Variants in ORC5 observed in about 807,000 individuals in gnomAD.
ORC5 encodes protein phosphatase 1, regulatory subunit 117.
In ORC5, 39 loss-of-function variants were observed where a neutral mutation model predicts 58.8. The ratio of observed to expected loss-of-function variants is 0.66; its 90% CI spans 0.51 to 0.87. ORC5 has a LOEUF of 0.87. Ranked by LOEUF, ORC5 falls within the 40% of genes least tolerant of loss-of-function variation. The pLI, the probability that ORC5 is intolerant of heterozygous loss-of-function variation, is 0.00. For missense variants in ORC5, 493 were observed against 506.3 expected (o/e 0.97, Z 0.25); for synonymous variants, 218 against 177.6 (o/e 1.23, Z -1.81).
At chr7:104,181,693 G>T (rs372501727) in intron 8 of ORC5, among the ~76,000 whole-genome samples, 28 of 151,966 alleles carry the variant, frequency 1.8e-4, no homozygotes, top group African/African-American at 6.8e-4. Flanking sequence ...TCGGGAAGCT[G>T]AGGCAGGAGA....
intron 8 of ORC5, among the ~76,000 whole-genome samples, chr7:104,169,960 G>C (rs987018047): frequency 3.9e-5 from 6 of 152,096 alleles, no homozygotes; most frequent in African/African-American, 1.4e-4. Flanking sequence ...AGTTTCTCCA[G>C]TCATCTCTTT....
At chr7:104,201,493 G>A (rs1799941644) in intron 2 of ORC5, among the ~76,000 whole-genome samples, 1 of 151,752 alleles carries the variant, frequency 6.6e-6, no homozygotes, top group Admixed American at 6.6e-5. Flanking sequence ...GAAATTCAAA[G>A]CAAATTTGTA....
intron 4 of ORC5, among the ~76,000 whole-genome samples, chr7:104,195,917 C>A (rs1381828195): frequency 6.6e-6 from 1 of 152,124 alleles, no homozygotes; most frequent in African/African-American, 2.4e-5. Flanking sequence ...CTGATAAGTA[C>A]TTTCAGTATA....
chr7:104,199,948 G>C (rs1799898581), intron 3 of ORC5, among the ~76,000 whole-genome samples: 1 of 152,178 alleles, frequency 6.6e-6, no homozygotes, highest in Non-Finnish European at 1.5e-5. Context: ...CCCCCATGCT[G>C]TTCTTGTGAT....
intron 3 of ORC5, 77 bp downstream of exon 3, chr7:104,200,681 A>G: frequency 1.1e-6 from 1 of 939,476 alleles, no homozygotes; most frequent in South Asian, 1.6e-5. Flanking sequence ...GAGACTCAAA[A>G]CAAATATATG....
At chr7:104,132,356 A>G (rs1452281655) in intron 13 of ORC5, among the ~76,000 whole-genome samples, 2 of 152,188 alleles carry the variant, frequency 1.3e-5, no homozygotes, top group Non-Finnish European at 2.9e-5. Context: ...CAATAACTCT[A>G]TAAAAATACA....
In ORC5 at chr7:104,207,897, T is replaced by C. The variant is rs1405193042; in HGVS notation, c.8A>G (p.His3Arg). The C allele has an allele frequency of 1.2e-6, 2 of 1,614,074 alleles. No individual in the cohort carries two copies. The highest frequency in any genetic ancestry group is 1.6e-4 in the Middle Eastern group (1 of 6,062). Residue 3 changes from histidine to arginine, a missense_variant, in exon 1 of 14, where the codon CAC (histidine) becomes CGC (arginine). By Grantham distance (29) the His-to-Arg change is conservative. This residue lies in a region of ORC5 where 412 missense variants were observed against 403.7 expected (regional missense o/e 1.02). Coordinates refer to ENST00000297431, the MANE Select transcript of ORC5 (RefSeq NM_002553.4). ...GCGACAAAGCACCACGTTTTCCAAG[T>C]GGGGCATTCTGGCAGGCACCACCGC... MPHLENVVLCRES... is the reference protein window; with the variant it reads MPRLENVVLCRES...
intron 11 of ORC5, among the ~76,000 whole-genome samples, chr7:104,164,081 G>A (rs889605122): frequency 3.9e-5 from 6 of 152,018 alleles, no homozygotes; most frequent in East Asian, 1.9e-4. Flanking sequence ...TTTTGCTATC[G>A]AATTTTTGTC....
chr7:104,186,357 T>C (rs1799543837), intron 6 of ORC5, among the ~76,000 whole-genome samples: 1 of 152,174 alleles, frequency 6.6e-6, no homozygotes, highest in South Asian at 2.1e-4. Flanking sequence ...GCTAGGATTT[T>C]GATATATATG....
At chr7:104,164,769 C>T (rs915917059) in intron 11 of ORC5, among the ~76,000 whole-genome samples, 6 of 152,140 alleles carry the variant, frequency 3.9e-5, no homozygotes, top group African/African-American at 1.4e-4. Flanking sequence ...ATTCCTAAGG[C>T]CAAATTAGCT....
At chr7:104,145,044 C>G (rs1798734339) in intron 12 of ORC5, among the ~76,000 whole-genome samples, 1 of 152,088 alleles carries the variant, frequency 6.6e-6, no homozygotes, top group Non-Finnish European at 1.5e-5. Flanking sequence ...AGGAAAAAGA[C>G]ACAGAACAGG....
intron 12 of ORC5, among the ~76,000 whole-genome samples, chr7:104,137,622 C>G (rs1289394636): frequency 2.0e-5 from 3 of 152,066 alleles, no homozygotes; most frequent in Non-Finnish European, 4.4e-5. Context: ...GAGGAATACA[C>G]TGGCAGAAGA....
chr7:104,205,107 T>TTTTTTTTTA (rs1800045808), intron 1 of ORC5, among the ~76,000 whole-genome samples: 1 of 147,768 alleles, frequency 6.8e-6, no homozygotes, highest in Non-Finnish European at 1.5e-5. Flanking sequence ...TTTTTTTTTT[T>TTTTTTTTTA]GAGATGGAGT....
At chr7:104,173,433 A>G (rs1284511390) in intron 8 of ORC5, among the ~76,000 whole-genome samples, 3 of 152,308 alleles carry the variant, frequency 2.0e-5, no homozygotes, top group Admixed American at 1.3e-4. Flanking sequence ...TTAGGTTGAC[A>G]TATCTGGAGT....
chr7:104,194,493 T>C (rs993659195), intron 5 of ORC5, among the ~76,000 whole-genome samples: 1 of 152,112 alleles, frequency 6.6e-6, no homozygotes, highest in Non-Finnish European at 1.5e-5. Flanking sequence ...CAAAAAGCTA[T>C]TGTGTTCTTC....
At chr7:104,164,524 T>C (rs1044951169) in intron 11 of ORC5, among the ~76,000 whole-genome samples, 4 of 152,216 alleles carry the variant, frequency 2.6e-5, no homozygotes, top group Non-Finnish European at 2.9e-5. Context: ...CAGGAAGTCC[T>C]GGAATTGAGC....
chr7:104,164,760 T>G (rs1255795513), intron 11 of ORC5, among the ~76,000 whole-genome samples: 1 of 152,192 alleles, frequency 6.6e-6, no homozygotes, highest in East Asian at 1.9e-4. Context: ...TTTTTCCAGA[T>G]TCCTAAGGCC....
At chr7:104,140,527 T>C (rs1238226340) in intron 12 of ORC5, among the ~76,000 whole-genome samples, 2 of 152,232 alleles carry the variant, frequency 1.3e-5, no homozygotes, top group African/African-American at 4.8e-5. Flanking sequence ...TTGTTTTGTT[T>C]CTGGGGGATC....
intron 12 of ORC5, among the ~76,000 whole-genome samples, chr7:104,150,055 T>A (rs572578810): frequency 9.2e-5 from 14 of 151,720 alleles, no homozygotes; most frequent in Admixed American, 8.5e-4. Flanking sequence ...ACAGTGAGGA[T>A]TTTTTTTTCC....
Sources: gnomAD v4.1 joint callset for allele counts (sites outside exome capture counted in the v4.1 genomes callset) on GRCh38, gnomAD v4.1.1 for gene constraint, gnomAD v4.1.1 regional missense constraint, MANE v1.5 for transcripts, NCBI Gene and HGNC (gene_info 2026-07-23, HGNC 2026-07-21) for gene names.